The following AK9 variants were observed in gnomAD, a reference collection of about 807,000 sequenced individuals.
The protein encoded by AK9 is adenylate kinase domain containing 1.
Under a neutral mutation model 239.6 loss-of-function variants are expected in AK9, and 191 were observed. That is an observed-to-expected ratio of 0.80 (90% CI 0.71 to 0.90). The LOEUF (loss-of-function observed/expected upper bound fraction) is 0.90, where lower values mean the gene tolerates loss of function less well. AK9 is among the 40% of genes least tolerant of loss of function. The pLI is 0.00. For missense variants in AK9, 1,995 were observed against 2,214.7 expected (o/e 0.90, Z 1.99); for synonymous variants, 689 against 721.0 (o/e 0.96, Z 0.71).
chr6:109,641,722 G>T, intron 9 of AK9, 106 bp from the exon 10 acceptor site: 1 of 931,280 alleles, frequency 1.1e-6, no homozygotes, highest in Non-Finnish European at 1.6e-6. Flanking sequence ...CCTGACTCTG[G>T]GTCGAATCCT....
At chr6:109,516,751 G>C in intron 29 of AK9, 109 bp from the exon 30 acceptor site, 1 of 925,228 alleles carries the variant, frequency 1.1e-6, no homozygotes. Flanking sequence ...GGTTGGTATT[G>C]CATGTTGACA....
chr6:109,522,752 T>G (rs59550285), intron 29 of AK9, among the ~76,000 whole-genome samples: 3,155 of 152,222 alleles, frequency 0.021, 98 homozygotes, highest in African/African-American at 0.073. Context: ...CTCAAGTATA[T>G]GGTAACCCTT....
At chr6:109,586,420 C>A (rs543996031) in intron 17 of AK9, among the ~76,000 whole-genome samples, 1 of 152,104 alleles carries the variant, frequency 6.6e-6, no homozygotes, top group South Asian at 2.1e-4. Flanking sequence ...CAACGACAAC[C>A]AAAGTTAACA....
chr6:109,550,342 A>G, intron 24 of AK9, 40 bp from the exon 25 acceptor site: 2 of 1,546,326 alleles, frequency 1.3e-6, no homozygotes, highest in Non-Finnish European at 1.7e-6. Flanking sequence ...ATTAAACTAA[A>G]AAAGTATTTT....
At chr6:109,498,206 T>G (rs1199911368) in intron 36 of AK9, among the ~76,000 whole-genome samples, 1 of 152,208 alleles carries the variant, frequency 6.6e-6, no homozygotes, top group Non-Finnish European at 1.5e-5. Context: ...AAAACACTTG[T>G]TGCGCTCCTA....
At chr6:109,536,585 T>A (rs1014786448) in intron 27 of AK9, among the ~76,000 whole-genome samples, 1 of 152,214 alleles carries the variant, frequency 6.6e-6, no homozygotes, top group Admixed American at 6.5e-5. Context: ...CCTAACTGAA[T>A]ACCATTTATT....
intron 21 of AK9, among the ~76,000 whole-genome samples, chr6:109,568,967 G>T: frequency 6.6e-6 from 1 of 152,130 alleles, no homozygotes; most frequent in South Asian, 2.1e-4. Flanking sequence ...AGCCCGTATT[G>T]CCAAGACAAT....
chr6:109,580,159 T>C (rs1788644697), intron 19 of AK9, among the ~76,000 whole-genome samples: 1 of 152,130 alleles, frequency 6.6e-6, no homozygotes, highest in African/African-American at 2.4e-5. Flanking sequence ...AAGCAGAACA[T>C]TTGTAAATTT....
intron 27 of AK9, among the ~76,000 whole-genome samples, chr6:109,538,174 C>G (rs575766829): frequency 1.3e-5 from 2 of 152,226 alleles, no homozygotes; most frequent in African/African-American, 4.8e-5. Context: ...AACTTTCTGT[C>G]TCGTTGATCT....
At chr6:109,557,770 TG>T (rs1477492268) in intron 24 of AK9, among the ~76,000 whole-genome samples, 1 of 152,236 alleles carries the variant, frequency 6.6e-6, no homozygotes, top group East Asian at 1.9e-4. Context: ...GTGGAAGGAC[TG>T]GGTGCTATGG....
At chr6:109,619,026 G>A in intron 13 of AK9, 66 bp downstream of exon 13, 1 of 1,470,952 alleles carries the variant, frequency 6.8e-7, no homozygotes. Flanking sequence ...CAAAGTCCTT[G>A]CTTTCAAGTA....
rs563681269 is a variant in AK9 at position 109,493,978 on chromosome 6, T to C, written c.5533+3A>G. ...GAGTAGTAAATAATTAAAAAAGACA[T>C]ACCTTTGAGATGAAGTGCTATATAT... On this transcript the variant is annotated splice_donor_region_variant and intron_variant, in intron 40 of 40. Coordinates refer to ENST00000424296, the MANE Select transcript of AK9 (RefSeq NM_001145128.3). 8.9e-6 allele frequency: 14 copies of C among 1,579,658 alleles called. 1 individual carries two copies. In the South Asian group the frequency reaches 1.2e-4, roughly 14 times the overall value.
rs915903757 is a variant in AK9, at chr6:109,493,300, A to G, written c.*69T>C. The G allele has an allele frequency of 2.0e-5, 30 of 1,501,796 alleles. No individual in the cohort carries two copies. Among genetic ancestry groups the G allele is most frequent in the African/African-American group, 2.8e-5 (2 of 71,748 alleles). The allele number at this position is 1,501,796 out of a possible 1,614,324, so 93.0% of individuals were successfully genotyped here. On this transcript the variant is annotated 3_prime_UTR_variant, in exon 41 of 41. Coordinates refer to ENST00000424296, the MANE Select transcript of AK9 (RefSeq NM_001145128.3). The stretch of plus-strand genomic sequence containing the variant: ...TCCAAGAGGCCCAGATTTTCAATCT[A>G]CTTCTCTCAGTTTCCCTCTATCACT...
At chr6:109,611,746 T>A (rs1032667831) in intron 16 of AK9, among the ~76,000 whole-genome samples, 27 of 152,202 alleles carry the variant, frequency 1.8e-4, no homozygotes, top group African/African-American at 6.5e-4. Flanking sequence ...AGTAGCTGTG[T>A]GCCAGGGCTG....
intron 17 of AK9, among the ~76,000 whole-genome samples, chr6:109,589,253 C>A (rs1789908725): frequency 6.6e-6 from 1 of 152,044 alleles, no homozygotes; most frequent in Non-Finnish European, 1.5e-5. Context: ...TGGTTTCTTT[C>A]ATCAGTATTT....
chr6:109,497,878 G>C lies in AK9; in HGVS notation c.5134C>G (p.Leu1712Val), dbSNP rs1175809093. The change falls in exon 37 of 41, where the codon CTG becomes GTG. Residue 1712 changes from leucine to valine, a missense_variant. Physicochemically the swap from Leu to Val is conservative, Grantham distance 32 (BLOSUM62 1). Transcript: ENST00000424296. ...GGGAATCGACTCTTCAGCTCTGACA[G>C]TGTCAGTCTTTTGGGGATCATGTCA... ...SADMIPKRLT[L>V]SELKSRFPKC... The C allele has an allele frequency of 1.9e-6, 3 of 1,613,940 alleles. No individual in the cohort carries two copies. The East Asian group carries it at 6.7e-5, about 36-fold the overall frequency.
At chr6:109,653,958 T>G (rs1333963777) in intron 8 of AK9, among the ~76,000 whole-genome samples, 17 of 152,108 alleles carry the variant, frequency 1.1e-4, no homozygotes, top group Admixed American at 1.1e-3. Flanking sequence ...AACAACAATG[T>G]TGAACTCTGA....
At chr6:109,629,084 T>A (rs986550806) in intron 12 of AK9, among the ~76,000 whole-genome samples, 1 of 152,068 alleles carries the variant, frequency 6.6e-6, no homozygotes, top group African/African-American at 2.4e-5. Flanking sequence ...GGGTCAGAGA[T>A]AACAATTTTT....
Position 109,568,495 on chromosome 6 carries a change from G to C in AK9, c.2345-3650C>G, listed in dbSNP as rs570348734. On this transcript the variant is annotated intron_variant, in intron 21 of 40. Transcript: ENST00000424296. ...GAAAAGAGGAAGTCAAATTGTCCCT[G>C]TTTGCAAATGACATGATTGTATATT... is the stretch of plus-strand genomic sequence containing the variant. 4.6e-5 allele frequency among the ~76,000 whole-genome samples: 7 copies of C among 152,274 alleles called. No homozygotes were observed. The East Asian group carries it at 1.3e-3, about 29-fold the overall frequency.
Sources: allele counts gnomAD v4.1 joint callset (sites outside exome capture counted in the v4.1 genomes callset), GRCh38; gene constraint gnomAD v4.1.1; transcripts MANE v1.5; gene names NCBI Gene and HGNC (gene_info 2026-07-23, HGNC 2026-07-21).